The following PARD3B variants were observed in gnomAD, a reference collection of about 807,000 sequenced individuals.
PARD3B encodes the protein partitioning defective 3 homolog B.
Under a neutral mutation model 130.2 loss-of-function variants are expected in PARD3B, and 103 were observed. The observed-to-expected ratio is 0.79, with a 90% CI of 0.67 to 0.93. PARD3B has a LOEUF of 0.93. Among genes scored for constraint, PARD3B ranks in the 40% least tolerant of loss-of-function variants. The pLI, the probability that PARD3B is intolerant of heterozygous loss-of-function variation, is 0.00. For synonymous variants in PARD3B, 583 were observed against 553.2 expected (o/e 1.05, Z -0.76); for missense variants, 1,609 against 1,499.2 (o/e 1.07, Z -1.21).
At chr2:204,621,240 G>A (rs558051869) in intron 1 of PARD3B, among the ~76,000 whole-genome samples, 2 of 152,292 alleles carry the variant, frequency 1.3e-5, no homozygotes, top group South Asian at 4.1e-4. Context: ...TCAAAAGGTT[G>A]GGGTTAGGAC....
At chr2:204,690,381 G>A (rs2037300162) in intron 2 of PARD3B, among the ~76,000 whole-genome samples, 1 of 152,104 alleles carries the variant, frequency 6.6e-6, no homozygotes, top group Non-Finnish European at 1.5e-5. Context: ...CAGCGTCTTT[G>A]CAGATGTGCT....
intron 2 of PARD3B, among the ~76,000 whole-genome samples, chr2:204,846,337 G>A (rs1258988620): frequency 2.6e-5 from 4 of 151,998 alleles, no homozygotes. Flanking sequence ...GATAGTTTAT[G>A]AAACAACTTT....
At position 204,661,708 on chromosome 2, in the gene PARD3B, C is replaced by A. The variant is rs80212042; in HGVS notation, c.121-24473C>A. 2.7e-3 allele frequency among the ~76,000 whole-genome samples: 411 copies of A among 152,172 alleles called. 9 individuals are homozygous for A. The East Asian group carries it at 0.034, about 12-fold the overall frequency. ...TTTAACAAATTTATTTAAAAATAAA[C>A]CCATTACATGTTGATGAAATAATAT... On this transcript the variant is annotated intron_variant, in intron 1 of 22. Coordinates refer to ENST00000406610, the MANE Select transcript of PARD3B (RefSeq NM_001302769.2).
intron 4 of PARD3B, among the ~76,000 whole-genome samples, chr2:205,067,947 A>C (rs1700491444): frequency 6.6e-6 from 1 of 152,146 alleles, no homozygotes; most frequent in African/African-American, 2.4e-5. Flanking sequence ...CATCCACATA[A>C]CTGAGATAGT....
intron 1 of PARD3B, among the ~76,000 whole-genome samples, chr2:204,559,049 G>A (rs1231163208): frequency 6.6e-6 from 1 of 152,150 alleles, no homozygotes; most frequent in Non-Finnish European, 1.5e-5. Flanking sequence ...ATTCAAGATG[G>A]ATTAAAGACT....
chr2:205,065,577 G>A (rs1479335148), intron 4 of PARD3B, among the ~76,000 whole-genome samples: 2 of 152,094 alleles, frequency 1.3e-5, no homozygotes, highest in Non-Finnish European at 2.9e-5. Flanking sequence ...GGGCCTAGTG[G>A]GAGGTGTTTG....
rs773359807 is a variant in PARD3B, at chr2:205,366,631, ACACT to A, written c.2631-34379_2631-34376del. Among the ~76,000 whole-genome samples the A allele has an allele frequency of 6.6e-6, 1 of 152,162 alleles. No individual in the cohort carries two copies. The highest frequency in any genetic ancestry group is 1.5e-5 in the Non-Finnish European group (1 of 68,038). On this transcript the variant is annotated intron_variant, in intron 18 of 22. Transcript: ENST00000406610. This position sits in a 1 kb window ranked among gnomAD's most constrained non-coding sequence, Gnocchi z 5.0. ...CATGCTACCTGTCAGCATACAGATG[ACACT>A]CAAATCTGTCTCCTCTCAAGCCTAA...
chr2:204,569,152 C>A, intron 1 of PARD3B, among the ~76,000 whole-genome samples: 1 of 152,128 alleles, frequency 6.6e-6, no homozygotes. Context: ...GGGGAAGACT[C>A]AGTTTTTTTG....
chr2:205,457,899 G>A (rs1026858910), intron 20 of PARD3B, among the ~76,000 whole-genome samples: 1 of 152,062 alleles, frequency 6.6e-6, no homozygotes, highest in Non-Finnish European at 1.5e-5. Flanking sequence ...GCTCATTGGA[G>A]CACTTTGGAT....
chr2:205,530,311 GAGGACTTTT>G lies in PARD3B; in HGVS notation c.3181-23009_3181-23001del, dbSNP rs2051534004. 6.6e-6 allele frequency among the ~76,000 whole-genome samples: 1 copy of G among 151,892 alleles called. No individual in the cohort carries two copies. Among genetic ancestry groups the G allele is most frequent in the African/African-American group, 2.4e-5 (1 of 41,178 alleles). Reference sequence around the variant, plus strand: ...CCCACAACAGGGTTAAACAAGACTTGAGGACTTTTAGGTGAGGAGTAGATGCCAACATCA... The same window carrying G: ...CCCACAACAGGGTTAAACAAGACTTGAGGTGAGGAGTAGATGCCAACATCA... On this transcript the variant is annotated intron_variant, in intron 21 of 22. Transcript: ENST00000406610. This position sits in a 1 kb window ranked among gnomAD's most constrained non-coding sequence, Gnocchi z 4.7.
chr2:205,476,121 T>C (rs2049013161), intron 20 of PARD3B, among the ~76,000 whole-genome samples: 1 of 152,168 alleles, frequency 6.6e-6, no homozygotes, highest in African/African-American at 2.4e-5. Flanking sequence ...TCTTTGTCTT[T>C]GAAAGGTTCA....
At chr2:204,671,048 G>A (rs1574658937) in intron 1 of PARD3B, among the ~76,000 whole-genome samples, 1 of 152,056 alleles carries the variant, frequency 6.6e-6, no homozygotes, top group Non-Finnish European at 1.5e-5. Context: ...TGCTGTCACC[G>A]TTTATCTGAG....
chr2:205,092,856 T>C (rs145291362), intron 4 of PARD3B, among the ~76,000 whole-genome samples: 2 of 152,186 alleles, frequency 1.3e-5, no homozygotes, highest in Non-Finnish European at 2.9e-5. Context: ...GGAACTTAGT[T>C]GATTTTAAAT....
chr2:204,863,363 C>T (rs902239628), intron 2 of PARD3B, among the ~76,000 whole-genome samples: 6 of 152,138 alleles, frequency 3.9e-5, no homozygotes, highest in Non-Finnish European at 8.8e-5. Flanking sequence ...GGTGAGGAGT[C>T]GTACTCTCAG....
rs939813304 is a variant in PARD3B, at chr2:205,347,000, T to C, written c.2630+45299T>C. ...TGAGTACATTTCCATCTTGTGTTTA[T>C]GCACTTGGGTTTTCTTTTGTAAGCA... On this transcript the variant is annotated intron_variant, in intron 18 of 22. Transcript: ENST00000406610. Among the ~76,000 whole-genome samples the C allele has an allele frequency of 4.1e-4, 62 of 152,224 alleles. 1 individual carries two copies. Among genetic ancestry groups the C allele is most frequent in the African/African-American group, 1.4e-3 (60 of 41,458 alleles).
In PARD3B at chr2:205,469,897, A is replaced by G. The variant is rs548291219; in HGVS notation, c.3044+29225A>G. Among the ~76,000 whole-genome samples the G allele has an allele frequency of 7.9e-5, 12 of 152,366 alleles. No homozygotes were observed. In the South Asian group the frequency reaches 1.7e-3, roughly 21 times the overall value. On this transcript the variant is annotated intron_variant, in intron 20 of 22. Transcript: ENST00000406610. ...CTATAATTTCTCAACCATGCTGACT[A>G]CGCATCCACGAGTATACCTTCCAGC...
At chr2:204,996,065 CCTT>C (rs1694142777) in intron 3 of PARD3B, among the ~76,000 whole-genome samples, 1 of 51,004 alleles carries the variant, frequency 2.0e-5, no homozygotes, top group African/African-American at 9.0e-5. Context: ...TCGTCTGAAG[CCTT>C]CTTCTCTCAG....
intron 4 of PARD3B, among the ~76,000 whole-genome samples, chr2:205,059,056 G>A (rs930330349): frequency 4.6e-5 from 7 of 151,302 alleles, no homozygotes; most frequent in African/African-American, 1.5e-4. Flanking sequence ...GAGTTTTATA[G>A]TTTTGGCTCT....
rs1327142752 is a variant in PARD3B, at chr2:205,287,413, C to T, written c.2186-13117C>T. On this transcript the variant is annotated intron_variant, in intron 16 of 22. Coordinates refer to ENST00000406610, the MANE Select transcript of PARD3B (RefSeq NM_001302769.2). The surrounding 1 kb of genome is among the most constrained non-coding windows in gnomAD (Gnocchi z 4.8). Reference sequence around the variant, plus strand: ...CTCGTGCAGTTCTGGTTCCTCTCTTCAGACTTGATTCTTACAGAAAAGCAA... The same window carrying T: ...CTCGTGCAGTTCTGGTTCCTCTCTTTAGACTTGATTCTTACAGAAAAGCAA... Among the ~76,000 whole-genome samples the T allele has an allele frequency of 6.6e-6, 1 of 152,204 alleles. No homozygotes were observed. The highest frequency in any genetic ancestry group is 1.5e-5 in the Non-Finnish European group (1 of 68,038).
Sources: gnomAD v4.1 joint callset for allele counts (sites outside exome capture counted in the v4.1 genomes callset) on GRCh38, gnomAD v4.1.1 for gene constraint, Gnocchi (gnomAD v3.1) non-coding constraint, MANE v1.5 for transcripts, NCBI Gene and HGNC (gene_info 2026-07-23, HGNC 2026-07-21) for gene names.